The following DIO3 variants were observed in gnomAD, a reference collection of about 807,000 sequenced individuals.
DIO3 encodes thyroxine 5-deiodinase.
A neutral mutation model predicts 20.4 loss-of-function variants in DIO3; 5 were observed. The ratio of observed to expected loss-of-function variants is 0.25; its 90% CI spans 0.13 to 0.52. The LOEUF (loss-of-function observed/expected upper bound fraction) is 0.52. Ranked by LOEUF, DIO3 falls within the 20% of genes least tolerant of loss-of-function variation. The probability of loss-of-function intolerance (pLI) is 0.97; values close to 1 mark genes in which losing one functional copy is unlikely to be tolerated. For synonymous variants in DIO3, 201 were observed against 193.3 expected, an observed-to-expected ratio of 1.04 and a Z score of -0.33; for missense variants, 341 against 438.2, an observed-to-expected ratio of 0.78 and a Z score of 1.98.
Position 101,561,543 on chromosome 14 carries a change from G to T in DIO3, c.47G>T (p.Gly16Val). 6.2e-7 allele frequency: 1 copy of T among 1,611,886 alleles called. No homozygotes were observed. The highest frequency in any genetic ancestry group is 1.7e-5 in the Admixed American group (1 of 59,890). The change falls in exon 1 of 1, where the codon GGG becomes GTG. Residue 16 changes from glycine (G) to valine (V), a missense_variant. Transcript: ENST00000510508. This position sits in a 1 kb window ranked among gnomAD's most constrained non-coding sequence, Gnocchi z 8.0. ...CGGTTGGTGGTCGGAGAGGGCGAGG[G>T]GTCCCAGGGGGCTTCGGGGCCTGCA...
chr14:101,562,602 T>A lies in DIO3; in HGVS notation c.*191T>A, dbSNP rs758738718. On this transcript the variant is annotated 3_prime_UTR_variant, in exon 1 of 1. Transcript: ENST00000510508. The surrounding 1 kb of genome is among the most constrained non-coding windows in gnomAD (Gnocchi z 8.7). Reference sequence around the variant, plus strand: ...TCCCCTACCTCCCTGGGACTCTGCTTCTGTAACTGTCTCATTCACACCTGC... The same window carrying A: ...TCCCCTACCTCCCTGGGACTCTGCTACTGTAACTGTCTCATTCACACCTGC... 4 of 614,696 alleles carry A rather than the reference T, an allele frequency of 6.5e-6. No individual in the cohort carries two copies. Among genetic ancestry groups the A allele is most frequent in the Non-Finnish European group, 1.2e-5 (4 of 343,714 alleles). 38.1% of individuals were successfully genotyped at this position (614,696 alleles called of 1,614,324 possible).
chr14:101,562,507 G>A lies in DIO3; in HGVS notation c.*96G>A, dbSNP rs1217002790. 1.1e-5 allele frequency: 14 copies of A among 1,259,268 alleles called. No individual in the cohort carries two copies. The highest frequency in any genetic ancestry group is 1.4e-5 in the Non-Finnish European group (13 of 908,074). The allele number at this position is 1,259,268 out of a possible 1,614,324, so 78.0% of individuals were successfully genotyped here. On this transcript the variant is annotated 3_prime_UTR_variant, in exon 1 of 1. Coordinates refer to ENST00000510508, the Ensembl canonical transcript of DIO3. This position sits in a 1 kb window ranked among gnomAD's most constrained non-coding sequence, Gnocchi z 8.7. ...CTCAAACCAAGTCACGCTTGGCGAG[G>A]CCCCAGTGACACTGATGTGCTGAGC...
chr14:101,562,245 G>C lies in DIO3; in HGVS notation c.749G>C (p.Ser250Thr). The stretch of plus-strand genomic sequence containing the variant: ...GTCCTCGACACCATGGCCAACTCCA[G>C]CAGCTCGGCCTATGGCGCCTACTTC... Residue 250 changes from serine to threonine, a missense_variant, in exon 1 of 1, where the codon AGC becomes ACC. Transcript: ENST00000510508. This position sits in a 1 kb window ranked among gnomAD's most constrained non-coding sequence, Gnocchi z 8.7. 1 of 1,612,624 alleles carries C rather than the reference G, an allele frequency of 6.2e-7. No individual in the cohort carries two copies. The highest frequency in any genetic ancestry group is 8.5e-7 in the Non-Finnish European group (1 of 1,180,036).
Position 101,562,428 on chromosome 14 carries a change from T to A in DIO3, c.*17T>A, listed in dbSNP as rs1333399196. On this transcript the variant is annotated 3_prime_UTR_variant, in exon 1 of 1. Transcript: ENST00000510508. This position sits in a 1 kb window ranked among gnomAD's most constrained non-coding sequence, Gnocchi z 8.7. ...AGGGTGTAAACATCCAACGGACAAT[T>A]GACTGAACTTGGTGGGCTGGGCCTT... 6.3e-7 allele frequency: 1 copy of A among 1,588,826 alleles called. No homozygotes were observed. Among genetic ancestry groups the A allele is most frequent in the South Asian group, 1.1e-5 (1 of 88,238 alleles).
chr14:101,563,049 T>C lies in DIO3; in HGVS notation c.*638T>C, dbSNP rs755921014. On this transcript the variant is annotated 3_prime_UTR_variant, in exon 1 of 1. Coordinates refer to ENST00000510508, the Ensembl canonical transcript of DIO3. The surrounding 1 kb of genome is among the most constrained non-coding windows in gnomAD (Gnocchi z 8.3). Reference sequence around the variant, plus strand: ...ACTGGTCTTGACCACGAGCTAGTTCTGAATTGCAGGGGCCTCAAAGCAGCA... The same window carrying C: ...ACTGGTCTTGACCACGAGCTAGTTCCGAATTGCAGGGGCCTCAAAGCAGCA... The C allele has an allele frequency of 6.0e-6, 1 of 167,186 alleles. No homozygotes were observed. Among genetic ancestry groups the C allele is most frequent in the Non-Finnish European group, 1.5e-5 (1 of 68,228 alleles). 10.4% of individuals were successfully genotyped at this position (167,186 alleles called of 1,614,324 possible). A position where few individuals can be genotyped will look rare whatever the true frequency, so the allele number is the denominator to read the frequency against.
chr14:101,561,750 A>G lies in DIO3; in HGVS notation c.254A>G (p.Glu85Gly). ...CGGGGGCAGCCCGAGCCCGAAGTGG[A>G]GCTCAACAGTGAAGGCGAGGAGGTG... The change falls in exon 1 of 1, where the codon GAG (glutamate) becomes GGG (glycine). Residue 85 changes from glutamate (E) to glycine (G), a missense_variant. Transcript: ENST00000510508. The surrounding 1 kb of genome is among the most constrained non-coding windows in gnomAD (Gnocchi z 8.0). 6.2e-7 allele frequency: 1 copy of G among 1,612,808 alleles called. No individual in the cohort carries two copies. Among genetic ancestry groups the G allele is most frequent in the Non-Finnish European group, 8.5e-7 (1 of 1,179,858 alleles).
rs370365050 is a variant in DIO3 at position 101,562,214 on chromosome 14, G to A, written c.718G>A (p.Ala240Thr). 4.7e-5 allele frequency: 75 copies of A among 1,612,076 alleles called. 1 individual carries two copies. Among genetic ancestry groups the A allele is most frequent in the South Asian group, 1.2e-4 (11 of 91,086 alleles). Residue 240 changes from alanine (A) to threonine (T), a missense_variant, in exon 1 of 1, where the codon GCT (alanine) becomes ACT (threonine). Ala to Thr is a moderately conservative substitution (Grantham distance 58). This residue lies in a region of DIO3 where 138 missense variants were observed against 197.8 expected (regional missense o/e 0.70). Coordinates refer to ENST00000510508, the Ensembl canonical transcript of DIO3. The surrounding 1 kb of genome is among the most constrained non-coding windows in gnomAD (Gnocchi z 8.7). ...ACTGCAGCAAGGTGCACCCGGCTGC[G>A]CTCTGGTCCTCGACACCATGGCCAA... is the stretch of plus-strand genomic sequence containing the variant.
rs773533013 is a variant in DIO3 at position 101,562,873 on chromosome 14, G to A, written c.*462G>A. The A allele has an allele frequency of 2.4e-4, 40 of 170,198 alleles. No individual in the cohort carries two copies. Among genetic ancestry groups the A allele is most frequent in the Non-Finnish European group, 5.0e-4 (35 of 70,386 alleles). 10.5% of individuals were successfully genotyped at this position (170,198 alleles called of 1,614,324 possible). The stretch of plus-strand genomic sequence containing the variant: ...TAGTTGCCTGGCACCCACCTGTCGC[G>A]CGCGGAGAGGGGGTTCCCTGTTGCT... On this transcript the variant is annotated 3_prime_UTR_variant, in exon 1 of 1. Coordinates refer to ENST00000510508, the Ensembl canonical transcript of DIO3. This position sits in a 1 kb window ranked among gnomAD's most constrained non-coding sequence, Gnocchi z 8.7.
At position 101,562,621 on chromosome 14, in the gene DIO3, C is replaced by T; in HGVS notation, c.*210C>T. ...TCTGCTTCTGTAACTGTCTCATTCACACCTGCCTGGCTCACTGGAAATCCT... is the reference window on the plus strand; with the variant it reads ...TCTGCTTCTGTAACTGTCTCATTCATACCTGCCTGGCTCACTGGAAATCCT... On this transcript the variant is annotated 3_prime_UTR_variant, in exon 1 of 1. Coordinates refer to ENST00000510508, the Ensembl canonical transcript of DIO3. The surrounding 1 kb of genome is among the most constrained non-coding windows in gnomAD (Gnocchi z 8.7). The T allele has an allele frequency of 3.4e-6, 2 of 592,942 alleles. No homozygotes were observed. Among genetic ancestry groups the T allele is most frequent in the Non-Finnish European group, 6.1e-6 (2 of 329,410 alleles). The allele number at this position is 592,942 out of a possible 1,614,324, so 36.7% of individuals were successfully genotyped here.
At position 101,562,228 on chromosome 14, in the gene DIO3, C is replaced by T. The variant is rs1472956180; in HGVS notation, c.732C>T (p.Asp244=). ...CACCCGGCTGCGCTCTGGTCCTCGACACCATGGCCAACTCCAGCAGCTCGG... is the reference window on the plus strand; with the variant it reads ...CACCCGGCTGCGCTCTGGTCCTCGATACCATGGCCAACTCCAGCAGCTCGG... Residue 244 remains aspartate (D), a synonymous_variant, in exon 1 of 1, where the codon GAC becomes GAT. Coordinates refer to ENST00000510508, the Ensembl canonical transcript of DIO3. This position sits in a 1 kb window ranked among gnomAD's most constrained non-coding sequence, Gnocchi z 8.7. 1.2e-6 allele frequency: 2 copies of T among 1,612,458 alleles called. No individual in the cohort carries two copies. Among genetic ancestry groups the T allele is most frequent in the East Asian group, 2.2e-5 (1 of 44,884 alleles).
Position 101,562,069 on chromosome 14 carries a change from C to A in DIO3, c.573C>A (p.Val191=), listed in dbSNP as rs766805054. The A allele has an allele frequency of 1.2e-6, 2 of 1,610,760 alleles. No homozygotes were observed. The highest frequency in any genetic ancestry group is 8.5e-7 in the Non-Finnish European group (1 of 1,180,008). The change falls in exon 1 of 1, where the codon GTC becomes GTA. Residue 191 remains valine (V), a synonymous_variant. Coordinates refer to ENST00000510508, the Ensembl canonical transcript of DIO3. The surrounding 1 kb of genome is among the most constrained non-coding windows in gnomAD (Gnocchi z 8.7). ...TGGTCACTAAGTACCAGCGCGACGT[C>A]GACTTCCTCATCATCTACATCGAGG...
chr14:101,562,030 C>G lies in DIO3; in HGVS notation c.534C>G (p.Ser178Arg). 1.2e-6 allele frequency: 2 copies of G among 1,605,776 alleles called. No individual in the cohort carries two copies. The highest frequency in any genetic ancestry group is 1.7e-6 in the Non-Finnish European group (2 of 1,179,998). The change falls in exon 1 of 1, where the codon AGC becomes AGG. Residue 178 changes from serine (S) to arginine (R), a missense_variant. Physicochemically the swap from Ser to Arg is moderately radical, Grantham distance 110 (BLOSUM62 -1). Around this residue, in one of 3 missense-constraint regions of DIO3, gnomAD observed 138 missense variants for 197.8 expected, o/e 0.70. Coordinates refer to ENST00000510508, the Ensembl canonical transcript of DIO3. The surrounding 1 kb of genome is among the most constrained non-coding windows in gnomAD (Gnocchi z 8.7). ...GACCACCGTTCATGGCGCGCATGAG[C>G]GCCTTCCAGCGCCTGGTCACTAAGT...
chr14:101,561,538 C>T lies in DIO3; in HGVS notation c.42C>T (p.Gly14=), dbSNP rs779066102. 2 of 1,611,158 alleles carry T rather than the reference C, an allele frequency of 1.2e-6. No homozygotes were observed. The highest frequency in any genetic ancestry group is 2.2e-5 in the South Asian group (2 of 90,836). The change falls in exon 1 of 1, where the codon GGC becomes GGT. Residue 14 remains glycine (G), a synonymous_variant. Coordinates refer to ENST00000510508, the Ensembl canonical transcript of DIO3. The surrounding 1 kb of genome is among the most constrained non-coding windows in gnomAD (Gnocchi z 8.0). Reference sequence around the variant, plus strand: ...CGTCGCGGTTGGTGGTCGGAGAGGGCGAGGGGTCCCAGGGGGCTTCGGGGC... The same window carrying T: ...CGTCGCGGTTGGTGGTCGGAGAGGGTGAGGGGTCCCAGGGGGCTTCGGGGC...
In DIO3 at chr14:101,562,747, G is replaced by A. The variant is rs1029502966; in HGVS notation, c.*336G>A. On this transcript the variant is annotated 3_prime_UTR_variant, in exon 1 of 1. Coordinates refer to ENST00000510508, the Ensembl canonical transcript of DIO3. This position sits in a 1 kb window ranked among gnomAD's most constrained non-coding sequence, Gnocchi z 8.7. ...CCCTCCCCAGCGTGCCCTCAGCCAA[G>A]TGCTTTGGCCCGGTGCTTCCCGCAG... The A allele has an allele frequency of 3.7e-6, 1 of 267,706 alleles. No individual in the cohort carries two copies. The highest frequency in any genetic ancestry group is 7.6e-6 in the Non-Finnish European group (1 of 131,188). The allele number at this position is 267,706 out of a possible 1,614,324, so 16.6% of individuals were successfully genotyped here.
Position 101,561,977 on chromosome 14 carries a change from CTGG to C in DIO3, c.483_485del (p.Val162del). 4 of 1,602,908 alleles carry C rather than the reference CTGG, an allele frequency of 2.5e-6. No individual in the cohort carries two copies. Among genetic ancestry groups the C allele is most frequent in the Non-Finnish European group, 3.4e-6 (4 of 1,179,994 alleles). On this transcript the variant is annotated inframe_deletion, in exon 1 of 1. Coordinates refer to ENST00000510508, the Ensembl canonical transcript of DIO3. The surrounding 1 kb of genome is among the most constrained non-coding windows in gnomAD (Gnocchi z 8.0). ...CGACTACGCGCAAGGGAACCGCCCG[CTGG>C]TTCTCAATTTCGGCAGCTGCACCTG...
rs1329375300 is a variant in DIO3, at chr14:101,562,337, C to G, written c.841C>G (p.Gln281Glu). ...GGGCGGCCGTGGCCCCGACGGCTAC[C>G]AGGTCTCTGAGCTGCGCACTTGGTT... The change falls in exon 1 of 1, where the codon CAG (glutamine) becomes GAG (glutamate). Residue 281 changes from glutamine to glutamate, a missense_variant. By Grantham distance (29) the Gln-to-Glu change is conservative (BLOSUM62 2). Transcript: ENST00000510508. The surrounding 1 kb of genome is among the most constrained non-coding windows in gnomAD (Gnocchi z 8.7). The G allele has an allele frequency of 6.2e-7, 1 of 1,613,990 alleles. No individual in the cohort carries two copies. Among genetic ancestry groups the G allele is most frequent in the Non-Finnish European group, 8.5e-7 (1 of 1,180,050 alleles).
In DIO3 at chr14:101,562,104, C is replaced by T. The variant is rs1338387470; in HGVS notation, c.608C>T (p.Pro203Leu). ...ATCATCTACATCGAGGAAGCGCACC[C>T]CTCCGACGGCTGGGTCACCACGGAC... is the stretch of plus-strand genomic sequence containing the variant. The change falls in exon 1 of 1, where the codon CCC becomes CTC. Residue 203 changes from proline (P) to leucine (L), a missense_variant. Pro to Leu is a moderately conservative substitution (Grantham distance 98). Transcript: ENST00000510508. This position sits in a 1 kb window ranked among gnomAD's most constrained non-coding sequence, Gnocchi z 8.7. 1 of 1,612,904 alleles carries T rather than the reference C, an allele frequency of 6.2e-7. No homozygotes were observed. Among genetic ancestry groups the T allele is most frequent in the Non-Finnish European group, 8.5e-7 (1 of 1,180,038 alleles).
chr14:101,562,072 C>T lies in DIO3; in HGVS notation c.576C>T (p.Asp192=), dbSNP rs375426023. The T allele has an allele frequency of 1.3e-4, 211 of 1,611,288 alleles. No individual in the cohort carries two copies. The African/African-American group carries it at 2.7e-3, about 21-fold the overall frequency. The change falls in exon 1 of 1, where the codon GAC becomes GAT. Residue 192 remains aspartate, a synonymous_variant. Coordinates refer to ENST00000510508, the Ensembl canonical transcript of DIO3. The surrounding 1 kb of genome is among the most constrained non-coding windows in gnomAD (Gnocchi z 8.7). Reference sequence around the variant, plus strand: ...TCACTAAGTACCAGCGCGACGTCGACTTCCTCATCATCTACATCGAGGAAG... The same window carrying T: ...TCACTAAGTACCAGCGCGACGTCGATTTCCTCATCATCTACATCGAGGAAG...
In DIO3 at chr14:101,561,518, C is replaced by T. The variant is rs963586588; in HGVS notation, c.22C>T (p.Arg8Trp). The change falls in exon 1 of 1, where the codon CGG becomes TGG. Residue 8 changes from arginine (R) to tryptophan (W), a missense_variant. Around this residue, in one of 3 missense-constraint regions of DIO3, gnomAD observed 198 missense variants for 220.7 expected, o/e 0.90. Transcript: ENST00000510508. The surrounding 1 kb of genome is among the most constrained non-coding windows in gnomAD (Gnocchi z 8.0). Reference sequence around the variant, plus strand: ...CCAGATGCCTCGCCAGGCCACGTCGCGGTTGGTGGTCGGAGAGGGCGAGGG... The same window carrying T: ...CCAGATGCCTCGCCAGGCCACGTCGTGGTTGGTGGTCGGAGAGGGCGAGGG... The T allele has an allele frequency of 1.2e-6, 2 of 1,607,046 alleles. No individual in the cohort carries two copies. The highest frequency in any genetic ancestry group is 2.2e-5 in the East Asian group (1 of 44,712).
Sources: gnomAD v4.1 joint callset for allele counts on GRCh38, gnomAD v4.1.1 for gene constraint, gnomAD v4.1.1 regional missense constraint, Gnocchi (gnomAD v3.1) non-coding constraint, MANE v1.5 for transcripts, NCBI Gene and HGNC (gene_info 2026-07-23, HGNC 2026-07-21) for gene names.